LIMS2: variants seen among roughly 807,000 people sequenced by gnomAD.
The protein encoded by LIMS2 is LIM and senescent cell antigen-like-containing domain protein 2.
LIMS2 carries 30 observed loss-of-function variants against 45.3 expected under a neutral mutation model. That is an observed-to-expected ratio of 0.66 (90% CI 0.50 to 0.90). The LOEUF is 0.90. Ranked by LOEUF, LIMS2 falls within the 40% of genes least tolerant of loss-of-function variation. LIMS2 has a pLI of 0.00. For missense variants in LIMS2, 485 were observed against 468.7 expected (o/e 1.03, Z -0.32); for synonymous variants, 173 against 188.0 (o/e 0.92, Z 0.65).
chr2:127,650,537 G>A, intron 4 of LIMS2: 1 of 590,312 alleles, frequency 1.7e-6, no homozygotes, highest in Non-Finnish European at 3.0e-6. Flanking sequence ...AGTTCAGAAT[G>A]CCTCTGACGC....
At chr2:127,660,303 A>T (rs373568993) in intron 1 of LIMS2, among the ~76,000 whole-genome samples, 8 of 152,212 alleles carry the variant, frequency 5.3e-5, no homozygotes, top group Non-Finnish European at 1.0e-4. Flanking sequence ...ACTCGAACCC[A>T]CAGCAGCAAC....
At chr2:127,657,012 T>A (rs1233821316) in intron 2 of LIMS2, among the ~76,000 whole-genome samples, 1 of 152,104 alleles carries the variant, frequency 6.6e-6, no homozygotes, top group African/African-American at 2.4e-5. Flanking sequence ...AACCTCACCT[T>A]CCCTGAGCAC....
chr2:127,674,779 C>A (rs1038983515), intron 1 of LIMS2: 1 of 985,340 alleles, frequency 1.0e-6, no homozygotes, highest in Non-Finnish European at 1.2e-6. Context: ...TTGCAGCGGG[C>A]GGGTGGGCAG....
intron 2 of LIMS2, 132 bp from the exon 3 acceptor site, chr2:127,655,028 G>C: frequency 2.4e-6 from 2 of 837,698 alleles, no homozygotes; most frequent in Non-Finnish European, 2.0e-6. Context: ...GCTGAGGCTG[G>C]AGCAGTGGGT....
chr2:127,654,477 G>T lies in LIMS2; in HGVS notation c.306C>A (p.Cys102Ter), dbSNP rs375926340. Residue 102 changes from cysteine (C) to a stop codon, truncating the protein, a stop_gained, in exon 4 of 10, where the codon TGC (cysteine) becomes TGA (stop). Coordinates refer to ENST00000355119, the MANE Select transcript of LIMS2 (RefSeq NM_001161403.3). LOFTEE classifies it high-confidence loss of function. ...NNNWHPGCFR[C>*]ELCDVELADL... ...CAGCCAGCTCCACATCACACAGCTC[G>T]CAGCGGAAGCAGCCCGGGTGCCAGT... is the stretch of plus-strand genomic sequence containing the variant. 1.2e-6 allele frequency: 2 copies of T among 1,614,022 alleles called. No individual in the cohort carries two copies. The highest frequency in any genetic ancestry group is 1.3e-5 in the African/African-American group (1 of 74,938).
At chr2:127,679,599 G>A (rs998625657), upstream of LIMS2, among the ~76,000 whole-genome samples, 1 of 151,548 alleles carries the variant, frequency 6.6e-6, no homozygotes, top group African/African-American at 2.4e-5. The surrounding 1 kb of genome is among the most constrained non-coding windows in gnomAD (Gnocchi z 5.3). Flanking sequence ...AGGTACCCGA[G>A]TTTCTCCACC....
rs567327862 is a variant in LIMS2, at chr2:127,638,898, G to A, written c.*383C>T. 7 of 206,954 alleles carry A rather than the reference G, an allele frequency of 3.4e-5. No individual in the cohort carries two copies. In the South Asian group the frequency reaches 5.7e-4, roughly 17 times the overall value. 12.8% of individuals were successfully genotyped at this position (206,954 alleles called of 1,614,324 possible). On this transcript the variant is annotated 3_prime_UTR_variant, in exon 10 of 10. Coordinates refer to ENST00000355119, the MANE Select transcript of LIMS2 (RefSeq NM_001161403.3). ...ACATGCGCTTAGTGGGGCCGCTCTG[G>A]GGCAGGGGCTCTCACAGGACAGCAT...
intron 4 of LIMS2, 147 bp downstream of exon 4, chr2:127,654,277 C>T: frequency 2.7e-6 from 3 of 1,107,742 alleles, no homozygotes; most frequent in Admixed American, 4.1e-5. Flanking sequence ...CCCGGGGTGA[C>T]CTGGAGGGAG....
chr2:127,671,162 T>C lies in LIMS2; in HGVS notation c.11+3852A>G, dbSNP rs1685254317. On this transcript the variant is annotated intron_variant, in intron 1 of 9. Transcript: ENST00000355119. This position sits in a 1 kb window ranked among gnomAD's most constrained non-coding sequence, Gnocchi z 4.1. ...AAGCCTGCATGCAGGCTGGGCACGG[T>C]TGTTCACGCCTGTAATCACAGCACT... Among the ~76,000 whole-genome samples the C allele has an allele frequency of 6.6e-6, 1 of 152,164 alleles. No individual in the cohort carries two copies. Among genetic ancestry groups the C allele is most frequent in the South Asian group, 2.1e-4 (1 of 4,828 alleles).
In LIMS2 at chr2:127,671,828, T is replaced by C. The variant is rs1685283128; in HGVS notation, c.11+3186A>G. 6.6e-6 allele frequency among the ~76,000 whole-genome samples: 1 copy of C among 152,196 alleles called. No individual in the cohort carries two copies. Among genetic ancestry groups the C allele is most frequent in the Non-Finnish European group, 1.5e-5 (1 of 68,022 alleles). On this transcript the variant is annotated intron_variant, in intron 1 of 9. Transcript: ENST00000355119. This position sits in a 1 kb window ranked among gnomAD's most constrained non-coding sequence, Gnocchi z 4.1. The stretch of plus-strand genomic sequence containing the variant: ...CAGTGGTGCCACATCACAAGCCACA[T>C]CACTTGTTACCCACTTTACAGTTTG...
intron 4 of LIMS2, chr2:127,651,734 G>C: frequency 6.2e-7 from 1 of 1,612,724 alleles, no homozygotes; most frequent in Admixed American, 1.7e-5. Context: ...AGAGCTCGCT[G>C]AGTGCCAAGT....
chr2:127,659,904 G>A (rs565608631), intron 1 of LIMS2, among the ~76,000 whole-genome samples: 5 of 152,264 alleles, frequency 3.3e-5, no homozygotes, highest in Admixed American at 6.5e-5. Flanking sequence ...CTACTCCCAC[G>A]GGCCAGGTGC....
At chr2:127,675,748 G>A (rs1342503468), upstream of LIMS2, among the ~76,000 whole-genome samples, 2 of 152,084 alleles carry the variant, frequency 1.3e-5, no homozygotes, top group Non-Finnish European at 2.9e-5. Context: ...AGTTCCCACC[G>A]CGGATCTGGG....
At chr2:127,678,947 C>T (rs570517651), upstream of LIMS2, among the ~76,000 whole-genome samples, 2 of 152,228 alleles carry the variant, frequency 1.3e-5, no homozygotes, top group African/African-American at 2.4e-5. The surrounding 1 kb of genome is among the most constrained non-coding windows in gnomAD (Gnocchi z 5.3). Context: ...CATGGAGACC[C>T]TGGGGTGTCT....
chr2:127,665,544 T>C (rs576933456), intron 1 of LIMS2, among the ~76,000 whole-genome samples: 3 of 152,310 alleles, frequency 2.0e-5, no homozygotes, highest in Non-Finnish European at 4.4e-5. Flanking sequence ...TGCCCAACAC[T>C]GATCAGTTCA....
chr2:127,648,202 G>A (rs1327728343), intron 4 of LIMS2: 1 of 985,256 alleles, frequency 1.0e-6, no homozygotes, highest in East Asian at 1.1e-4. Flanking sequence ...AACAGACCCT[G>A]TTCCTGGAAG....
At chr2:127,656,326 C>G (rs1042030063) in intron 2 of LIMS2, among the ~76,000 whole-genome samples, 1 of 152,148 alleles carries the variant, frequency 6.6e-6, no homozygotes, top group African/African-American at 2.4e-5. Context: ...CTCCTGGTCC[C>G]CCCAGCCTCC....
chr2:127,656,271 G>A (rs937764389), intron 2 of LIMS2, among the ~76,000 whole-genome samples: 1 of 152,156 alleles, frequency 6.6e-6, no homozygotes, highest in African/African-American at 2.4e-5. Flanking sequence ...CCTGTGAGCT[G>A]GTGGGGGCCC....
At position 127,671,159 on chromosome 2, in the gene LIMS2, C is replaced by T. The variant is rs538992373; in HGVS notation, c.11+3855G>A. Among the ~76,000 whole-genome samples the T allele has an allele frequency of 5.3e-5, 8 of 152,146 alleles. No homozygotes were observed. Among genetic ancestry groups the T allele is most frequent in the East Asian group, 1.9e-4 (1 of 5,160 alleles). On this transcript the variant is annotated intron_variant, in intron 1 of 9. Transcript: ENST00000355119. This position sits in a 1 kb window ranked among gnomAD's most constrained non-coding sequence, Gnocchi z 4.1. Reference sequence around the variant, plus strand: ...GTTAAGCCTGCATGCAGGCTGGGCACGGTTGTTCACGCCTGTAATCACAGC... The same window carrying T: ...GTTAAGCCTGCATGCAGGCTGGGCATGGTTGTTCACGCCTGTAATCACAGC...
Sources: gnomAD v4.1 joint callset for allele counts (sites outside exome capture counted in the v4.1 genomes callset) on GRCh38, gnomAD v4.1.1 for gene constraint, Gnocchi (gnomAD v3.1) non-coding constraint, MANE v1.5 for transcripts, NCBI Gene and HGNC (gene_info 2026-07-23, HGNC 2026-07-21) for gene names.